Variants in PDIA5 observed in about 807,000 individuals in gnomAD.
PDIA5 encodes the protein protein disulfide-isomerase A5.
Under a neutral mutation model 77.6 loss-of-function variants are expected in PDIA5, and 58 were observed. The ratio of observed to expected loss-of-function variants is 0.75; its 90% CI spans 0.61 to 0.93. PDIA5 has a LOEUF of 0.93. PDIA5 is among the 40% of genes least tolerant of loss of function. PDIA5 has a pLI of 0.00. For missense variants in PDIA5, 630 were observed against 647.7 expected (o/e 0.97, Z 0.30); for synonymous variants, 250 against 252.1 (o/e 0.99, Z 0.08).
At chr3:123,134,947 C>T (rs987212442) in intron 11 of PDIA5, among the ~76,000 whole-genome samples, 2 of 152,146 alleles carry the variant, frequency 1.3e-5, no homozygotes, top group Non-Finnish European at 2.9e-5. Context: ...ACTTGGCTTC[C>T]CGTTTGTAGC....
At position 123,089,213 on chromosome 3, in the gene PDIA5, A is replaced by C. The variant is rs1934221638; in HGVS notation, c.88A>C (p.Ile30Leu). 1.1e-5 allele frequency: 17 copies of C among 1,614,016 alleles called. No homozygotes were observed. Among genetic ancestry groups the C allele is most frequent in the Non-Finnish European group, 1.4e-5 (17 of 1,179,856 alleles). Residue 30 changes from isoleucine to leucine, a missense_variant, in exon 2 of 17, where the codon ATT becomes CTT. Physicochemically the swap from Ile to Leu is conservative, Grantham distance 5. Coordinates refer to ENST00000316218, the MANE Select transcript of PDIA5 (RefSeq NM_006810.4). ...WLSSAKVSSL[I>L]ERISDPKDLK... is the part of the protein sequence containing the mutation. ...GTCCTCTGCAAAGGTCTCCTCGCTC[A>C]TTGAGAGAATCTCTGACCCCAAGGA...
At chr3:123,148,986 C>A (rs1178140017) in intron 13 of PDIA5, among the ~76,000 whole-genome samples, 1 of 152,150 alleles carries the variant, frequency 6.6e-6, no homozygotes, top group Non-Finnish European at 1.5e-5. Context: ...TGCCAGCAGG[C>A]CAGCCTGGGG....
At chr3:123,130,394 G>A in intron 10 of PDIA5, 86 bp from the exon 11 acceptor site, 1 of 1,433,374 alleles carries the variant, frequency 7.0e-7, no homozygotes, top group Non-Finnish European at 9.4e-7. Flanking sequence ...AGCCCATGGG[G>A]AGCTTTGGGT....
chr3:123,067,716 C>CGGTGGGCTG (rs1933612995), intron 1 of PDIA5: 1 of 153,410 alleles, frequency 6.5e-6, no homozygotes, highest in Non-Finnish European at 1.5e-5. Context: ...AGGCCAGGCT[C>CGGTGGGCTG]GGTGGGCTGG....
At chr3:123,086,297 A>G (rs1934136742) in intron 1 of PDIA5, among the ~76,000 whole-genome samples, 1 of 152,188 alleles carries the variant, frequency 6.6e-6, no homozygotes, top group Non-Finnish European at 1.5e-5. Context: ...CCCACGAGGG[A>G]AGTATCATTA....
intron 1 of PDIA5, among the ~76,000 whole-genome samples, chr3:123,068,818 A>C (rs1560486988): frequency 6.6e-6 from 1 of 152,234 alleles, no homozygotes; most frequent in Admixed American, 6.5e-5. Flanking sequence ...TGAGCAAATA[A>C]TGACAGAACT....
intron 2 of PDIA5, among the ~76,000 whole-genome samples, chr3:123,091,662 C>T (rs1025741710): frequency 6.6e-6 from 1 of 152,210 alleles, no homozygotes; most frequent in African/African-American, 2.4e-5. Context: ...ATCACTCCAT[C>T]CTGTCCCAAG....
rs142343534 is a variant in PDIA5, at chr3:123,116,370, G to A, written c.609+72G>A. On this transcript the variant is annotated intron_variant, in intron 8 of 16. Coordinates refer to ENST00000316218, the MANE Select transcript of PDIA5 (RefSeq NM_006810.4). ...TGGCGGAGGAAGGGTGCCAGGGGTG[G>A]GGTGGGGACAGGTTTTGAAATGGTG... The A allele has an allele frequency of 1.1e-5, 12 of 1,136,276 alleles. No individual in the cohort carries two copies. In the South Asian group the frequency reaches 1.4e-4, roughly 13 times the overall value. The allele number at this position is 1,136,276 out of a possible 1,614,324, so 70.4% of individuals were successfully genotyped here.
intron 11 of PDIA5, among the ~76,000 whole-genome samples, chr3:123,139,528 A>G (rs1159253806): frequency 6.6e-6 from 1 of 152,204 alleles, no homozygotes; most frequent in Non-Finnish European, 1.5e-5. Flanking sequence ...ATTCTAGGGT[A>G]TGTATGGGAA....
intron 7 of PDIA5, among the ~76,000 whole-genome samples, chr3:123,115,578 G>T (rs1934974688): frequency 6.6e-6 from 1 of 152,234 alleles, no homozygotes; most frequent in South Asian, 2.1e-4. Flanking sequence ...ACAGCCCAGA[G>T]AGAGGAGGTG....
At chr3:123,145,740 TAGAC>T (rs3215241) in intron 12 of PDIA5, 148 bp downstream of exon 12, 205,241 of 665,222 alleles carry the variant, frequency 0.31, 33,650 homozygotes, top group East Asian at 0.51. Context: ...TAGAACATCT[TAGAC>T]AGATGGGATC....
chr3:123,100,190 G>A (rs576712915), intron 3 of PDIA5, among the ~76,000 whole-genome samples: 1 of 152,352 alleles, frequency 6.6e-6, no homozygotes, highest in Non-Finnish European at 1.5e-5. Context: ...GTTGAGCCCT[G>A]TGTCCCAGGG....
At chr3:123,095,636 C>T (rs1226705085) in intron 3 of PDIA5, among the ~76,000 whole-genome samples, 3 of 151,748 alleles carry the variant, frequency 2.0e-5, no homozygotes, top group Non-Finnish European at 4.4e-5. Flanking sequence ...GTAATCACAG[C>T]TACTTGGGAG....
intron 11 of PDIA5, among the ~76,000 whole-genome samples, chr3:123,131,407 G>A (rs953791349): frequency 2.0e-5 from 3 of 151,382 alleles, no homozygotes; most frequent in South Asian, 2.1e-4. Flanking sequence ...GCAGCAGAGC[G>A]AGGCTCCATC....
chr3:123,149,886 G>A (rs1456486393), intron 13 of PDIA5, among the ~76,000 whole-genome samples: 1 of 152,144 alleles, frequency 6.6e-6, no homozygotes, highest in Non-Finnish European at 1.5e-5. Context: ...CCTAGAGGGG[G>A]CAGAAAGGAG....
At chr3:123,130,695 AC>A in intron 11 of PDIA5, 79 bp downstream of exon 11, 1 of 1,510,904 alleles carries the variant, frequency 6.6e-7, no homozygotes, top group Non-Finnish European at 9.1e-7. Context: ...TGCAATGTGA[AC>A]CCAGGAAGCA....
At chr3:123,091,413 T>A (rs924086148) in intron 2 of PDIA5, among the ~76,000 whole-genome samples, 7 of 152,150 alleles carry the variant, frequency 4.6e-5, no homozygotes, top group Non-Finnish European at 7.4e-5. Flanking sequence ...CTGGCAGGCC[T>A]TTCAAGTGAG....
intron 1 of PDIA5, among the ~76,000 whole-genome samples, chr3:123,079,960 G>A (rs1933953931): frequency 6.6e-6 from 1 of 152,090 alleles, no homozygotes; most frequent in East Asian, 1.9e-4. Flanking sequence ...GTATAAAATA[G>A]CACATTACTC....
Position 123,150,246 on chromosome 3 carries a change from C to T in PDIA5, c.1155C>T (p.Pro385=), listed in dbSNP as rs1001166489. ...FLEWMQNPEA[P]PPPEPTWEEQ... The stretch of plus-strand genomic sequence containing the variant: ...TGGCTTCTTGCAGCCCTGAGGCCCC[C>T]CCGCCCCCAGAGCCCACGTGGGAAG... Residue 385 remains proline (P), a synonymous_variant, in exon 14 of 17, where the codon CCC becomes CCT. Transcript: ENST00000316218. 1 of 1,612,800 alleles carries T rather than the reference C, an allele frequency of 6.2e-7. No individual in the cohort carries two copies. Among genetic ancestry groups the T allele is most frequent in the African/African-American group, 1.3e-5 (1 of 74,972 alleles).
Sources: allele counts gnomAD v4.1 joint callset (sites outside exome capture counted in the v4.1 genomes callset), GRCh38; gene constraint gnomAD v4.1.1; transcripts MANE v1.5; gene names NCBI Gene and HGNC (gene_info 2026-07-23, HGNC 2026-07-21).